LDB2: variants seen among roughly 807,000 people sequenced by gnomAD.
LDB2 encodes the protein LIM domain binding 2, also known as LIM domain-binding protein 2.
A neutral mutation model predicts 44.3 loss-of-function variants in LDB2; 12 were observed. The observed-to-expected ratio is 0.27, with a 90% CI of 0.17 to 0.44. LDB2 has a LOEUF of 0.44. Among genes scored for constraint, LDB2 ranks in the 20% least tolerant of loss-of-function variants. The probability of loss-of-function intolerance (pLI) is 1.00; values close to 1 mark genes in which losing one functional copy is unlikely to be tolerated. For missense variants in LDB2, 344 were observed against 473.5 expected, an observed-to-expected ratio of 0.73 and a Z score of 2.54; for synonymous variants, 164 against 174.8, an observed-to-expected ratio of 0.94 and a Z score of 0.49.
chr4:16,778,041 T>G (rs542208911), intron 1 of LDB2, among the ~76,000 whole-genome samples: 41 of 152,292 alleles, frequency 2.7e-4, no homozygotes, highest in African/African-American at 9.1e-4. Flanking sequence ...GCGTTTCTAC[T>G]TCTATGACAC....
At chr4:16,877,039 C>A (rs1407388402) in intron 1 of LDB2, among the ~76,000 whole-genome samples, 3 of 152,086 alleles carry the variant, frequency 2.0e-5, no homozygotes, top group Non-Finnish European at 4.4e-5. Flanking sequence ...TCTCCAGTAG[C>A]TGGGATGGCA....
chr4:16,680,594 G>A (rs569121992), intron 2 of LDB2, among the ~76,000 whole-genome samples: 8 of 152,274 alleles, frequency 5.3e-5, no homozygotes, highest in African/African-American at 1.9e-4. Flanking sequence ...TGAGAATATT[G>A]AGGCTCAGAA....
Position 16,814,166 on chromosome 4 carries a change from G to A in LDB2, c.133-54906C>T, listed in dbSNP as rs1355484400. ...ATTACAGGCGTGAGCCACCGCACCC[G>A]GCCAGGGATACTGTTTTTCTAACAG... On this transcript the variant is annotated intron_variant, in intron 1 of 7. Transcript: ENST00000304523. Among the ~76,000 whole-genome samples the A allele has an allele frequency of 3.9e-5, 6 of 152,246 alleles. No homozygotes were observed. The East Asian group carries it at 5.8e-4, about 15-fold the overall frequency.
At chr4:16,779,868 GA>G (rs1772778668) in intron 1 of LDB2, among the ~76,000 whole-genome samples, 2 of 152,256 alleles carry the variant, frequency 1.3e-5, no homozygotes, top group African/African-American at 4.8e-5. Flanking sequence ...AATATAATTT[GA>G]AATTATTTTT....
chr4:16,824,525 A>G (rs1782695622), intron 1 of LDB2, among the ~76,000 whole-genome samples: 1 of 152,250 alleles, frequency 6.6e-6, no homozygotes, highest in Non-Finnish European at 1.5e-5. Context: ...AATCCACATA[A>G]CAATCTTATG....
At chr4:16,792,174 A>T (rs972980306) in intron 1 of LDB2, among the ~76,000 whole-genome samples, 1 of 152,216 alleles carries the variant, frequency 6.6e-6, no homozygotes, top group African/African-American at 2.4e-5. Flanking sequence ...TTTTTTATCC[A>T]CTAAACTTTG....
At chr4:16,716,187 G>T (rs1486612419) in intron 2 of LDB2, among the ~76,000 whole-genome samples, 2 of 152,144 alleles carry the variant, frequency 1.3e-5, no homozygotes, top group African/African-American at 4.8e-5. Flanking sequence ...GCAAATTTCT[G>T]GAGCTTTAAG....
intron 5 of LDB2, among the ~76,000 whole-genome samples, chr4:16,512,998 A>G (rs1309529052): frequency 6.6e-6 from 1 of 152,244 alleles, no homozygotes; most frequent in African/African-American, 2.4e-5. Context: ...TTGCACATTA[A>G]TCACTATTGC....
intron 1 of LDB2, among the ~76,000 whole-genome samples, chr4:16,769,238 G>A (rs1272222938): frequency 6.6e-6 from 1 of 152,168 alleles, no homozygotes; most frequent in African/African-American, 2.4e-5. Flanking sequence ...AAAGGATGCA[G>A]AGAGGGAATT....
rs978641782 is a variant in LDB2, at chr4:16,615,664, A to G, written c.236-19789T>C. On this transcript the variant is annotated intron_variant, in intron 2 of 7. Transcript: ENST00000304523. ...GGATCAATAGGTGCAGCAAACCACCATGGCACACATATACCTATGTAACAA... is the reference window on the plus strand; with the variant it reads ...GGATCAATAGGTGCAGCAAACCACCGTGGCACACATATACCTATGTAACAA... 2.2e-4 allele frequency among the ~76,000 whole-genome samples: 34 copies of G among 152,192 alleles called. 1 individual carries two copies. Among genetic ancestry groups the G allele is most frequent in the Non-Finnish European group, 4.4e-5 (3 of 68,044 alleles).
intron 1 of LDB2, among the ~76,000 whole-genome samples, chr4:16,815,258 C>T (rs1438049952): frequency 4.6e-5 from 7 of 152,168 alleles, no homozygotes; most frequent in African/African-American, 9.7e-5. Context: ...CAATTTTAAC[C>T]AGGCCAAATA....
intron 2 of LDB2, among the ~76,000 whole-genome samples, chr4:16,750,454 C>T (rs777453389): frequency 2.6e-5 from 4 of 152,228 alleles, no homozygotes; most frequent in Non-Finnish European, 5.9e-5. Context: ...CTTTGACCTG[C>T]ATCCTCACTC....
intron 2 of LDB2, among the ~76,000 whole-genome samples, chr4:16,610,739 C>G (rs1041166591): frequency 2.0e-5 from 3 of 152,066 alleles, no homozygotes; most frequent in Non-Finnish European, 2.9e-5. Context: ...CTACGATTGA[C>G]TGGAGTACCA....
At chr4:16,574,558 C>T (rs1377165583) in intron 5 of LDB2, among the ~76,000 whole-genome samples, 1 of 152,160 alleles carries the variant, frequency 6.6e-6, no homozygotes, top group East Asian at 1.9e-4. Flanking sequence ...TTGTCACATG[C>T]ATTATTATTT....
chr4:16,554,304 C>T (rs13110995), intron 5 of LDB2, among the ~76,000 whole-genome samples: 9,566 of 152,176 alleles, frequency 0.063, 419 homozygotes, highest in South Asian at 0.14. Context: ...CCCGCCTCGG[C>T]CCCCCAAAGT....
At chr4:16,757,566 C>T (rs1056266650) in intron 2 of LDB2, among the ~76,000 whole-genome samples, 5 of 152,000 alleles carry the variant, frequency 3.3e-5, no homozygotes, top group Admixed American at 6.6e-5. Context: ...GATGGATTCC[C>T]GAACCAACAA....
chr4:16,840,462 G>GA (rs1424964726), intron 1 of LDB2, among the ~76,000 whole-genome samples: 1 of 152,120 alleles, frequency 6.6e-6, no homozygotes, highest in African/African-American at 2.4e-5. Context: ...CATGATAGAG[G>GA]AAAACTCACA....
At chr4:16,632,234 C>T (rs1360373664) in intron 2 of LDB2, among the ~76,000 whole-genome samples, 2 of 152,214 alleles carry the variant, frequency 1.3e-5, no homozygotes, top group Non-Finnish European at 2.9e-5. Context: ...GCTTATCCAC[C>T]ATGATCAAGT....
chr4:16,563,419 C>T (rs1007168144), intron 5 of LDB2, among the ~76,000 whole-genome samples: 4 of 127,140 alleles, frequency 3.1e-5, no homozygotes, highest in Non-Finnish European at 4.7e-5. Context: ...ACCATCTCAT[C>T]AGTCATCAGA....
Sources: allele counts gnomAD v4.1 joint callset (sites outside exome capture counted in the v4.1 genomes callset), GRCh38; gene constraint gnomAD v4.1.1; transcripts MANE v1.5; gene names NCBI Gene and HGNC (gene_info 2026-07-23, HGNC 2026-07-21).